VAV1: variants seen among roughly 807,000 people sequenced by gnomAD.
VAV1 encodes the protein vav guanine nucleotide exchange factor 1.
VAV1 carries 33 observed loss-of-function variants against 128.1 expected under a neutral mutation model. That is an observed-to-expected ratio of 0.26 (90% CI 0.20 to 0.34). The LOEUF (loss-of-function observed/expected upper bound fraction) is 0.34, where lower values mean the gene tolerates loss of function less well. Ranked by LOEUF, VAV1 falls within the 10% of genes least tolerant of loss-of-function variation. VAV1 has a pLI of 1.00. For missense variants in VAV1, 715 were observed against 1,093.7 expected (o/e 0.65, Z 4.88); for synonymous variants, 394 against 409.8 (o/e 0.96, Z 0.47).
chr19:6,832,123 A>C lies in VAV1; in HGVS notation c.1431A>C (p.Gln477His), dbSNP rs1280838792. The change falls in exon 15 of 27, where the codon CAA becomes CAC. Residue 477 changes from glutamine to histidine, a missense_variant. Gln to His is a conservative substitution (Grantham distance 24). Coordinates refer to ENST00000602142, the MANE Select transcript of VAV1 (RefSeq NM_005428.4). ...ACATGTTCCTCCTGATCGAGGACCA[A>C]GGTGCCCAGGGCTATGAGCTGTTCT... ...WSHMFLLIED[Q>H]GAQGYELFFK... 6.2e-7 allele frequency: 1 copy of C among 1,614,144 alleles called. No homozygotes were observed. The highest frequency in any genetic ancestry group is 1.7e-5 in the Admixed American group (1 of 60,006).
chr19:6,839,667 A>G (rs149240889), intron 21 of VAV1, among the ~76,000 whole-genome samples: 1 of 152,140 alleles, frequency 6.6e-6, no homozygotes, highest in African/African-American at 2.4e-5. Context: ...GATTATGGCA[A>G]AATATATAGA....
intron 1 of VAV1, among the ~76,000 whole-genome samples, chr19:6,776,377 CATCCATCT>C (rs1970636301): frequency 3.4e-5 from 5 of 148,370 alleles, no homozygotes; most frequent in African/African-American, 7.7e-5. Context: ...TCCATCCATC[CATCCATCT>C]ACCCATCCAC....
intron 1 of VAV1, among the ~76,000 whole-genome samples, chr19:6,793,842 A>G (rs1971070260): frequency 6.6e-6 from 1 of 152,166 alleles, no homozygotes; most frequent in Non-Finnish European, 1.5e-5. Context: ...AGATAAAACT[A>G]GTCCCTACCT....
At chr19:6,856,931 G>C in intron 26 of VAV1, 123 bp from the exon 27 acceptor site, 1 of 781,916 alleles carries the variant, frequency 1.3e-6, no homozygotes, top group Non-Finnish European at 2.2e-6. Context: ...TGTGTTTTCT[G>C]GGATAGACAG....
chr19:6,774,278 C>T (rs1970569252), intron 1 of VAV1, among the ~76,000 whole-genome samples: 1 of 151,844 alleles, frequency 6.6e-6, no homozygotes, highest in Non-Finnish European at 1.5e-5. Context: ...CAGGCGCCCG[C>T]CACCACGCCT....
intron 1 of VAV1, among the ~76,000 whole-genome samples, chr19:6,810,053 G>T (rs1014561565): frequency 4.6e-5 from 7 of 152,114 alleles, no homozygotes; most frequent in African/African-American, 1.7e-4. Flanking sequence ...GGTGGTGCAT[G>T]CCTGTAGTCC....
At chr19:6,830,405 C>G (rs1488719317) in intron 14 of VAV1, among the ~76,000 whole-genome samples, 1 of 151,964 alleles carries the variant, frequency 6.6e-6, no homozygotes, top group Non-Finnish European at 1.5e-5. Context: ...GGCACTAGGA[C>G]TAAAATGGAA....
chr19:6,798,976 G>A (rs915253083), intron 1 of VAV1, among the ~76,000 whole-genome samples: 4 of 144,630 alleles, frequency 2.8e-5, no homozygotes, highest in African/African-American at 1.0e-4. Context: ...AGTCACTGTC[G>A]ATTAGTTTGT....
chr19:6,776,596 TCATC>T (rs746307916), intron 1 of VAV1, among the ~76,000 whole-genome samples: 25 of 126,448 alleles, frequency 2.0e-4, no homozygotes, highest in African/African-American at 4.8e-4. Context: ...GTCCATCCAC[TCATC>T]CATCCATCCA....
intron 1 of VAV1, among the ~76,000 whole-genome samples, chr19:6,780,812 G>C (rs1970753548): frequency 6.6e-6 from 1 of 150,422 alleles, no homozygotes; most frequent in Non-Finnish European, 1.5e-5. Flanking sequence ...GACCTCAGAT[G>C]ATCTGCCCGC....
rs565851959 is a variant in VAV1, at chr19:6,822,027, T to G, written c.449+168T>G. ...GAGACACAGCCCTGCCCTGGGGTCT[T>G]GGGGGACATGGCACTGTCCTGGGGT... On this transcript the variant is annotated intron_variant, in intron 4 of 26. Transcript: ENST00000602142. The surrounding 1 kb of genome is among the most constrained non-coding windows in gnomAD (Gnocchi z 5.9). 2.0e-5 allele frequency among the ~76,000 whole-genome samples: 3 copies of G among 150,342 alleles called. No homozygotes were observed. The highest frequency in any genetic ancestry group is 7.3e-5 in the African/African-American group (3 of 40,982).
intron 1 of VAV1, among the ~76,000 whole-genome samples, chr19:6,792,752 G>A (rs1020137577): frequency 5.3e-5 from 8 of 151,968 alleles, no homozygotes; most frequent in African/African-American, 1.9e-4. Context: ...GCAGCAGTGG[G>A]GGCGAGGGGA....
At chr19:6,854,188 T>C in intron 26 of VAV1, 90 bp downstream of exon 26, 1 of 1,501,686 alleles carries the variant, frequency 6.7e-7, no homozygotes, top group Non-Finnish European at 9.0e-7. Flanking sequence ...GAAGGTGAGG[T>C]GCGGCTCCCA....
At chr19:6,830,309 G>A (rs1034229983) in intron 14 of VAV1, among the ~76,000 whole-genome samples, 7 of 151,488 alleles carry the variant, frequency 4.6e-5, no homozygotes, top group African/African-American at 1.5e-4. Flanking sequence ...CACCTGCCTC[G>A]GCCTCCCAAA....
At chr19:6,825,867 AAAAATACAACT>A (rs1213273969) in intron 8 of VAV1, among the ~76,000 whole-genome samples, 9 of 152,104 alleles carry the variant, frequency 5.9e-5, no homozygotes, top group East Asian at 5.8e-4. Context: ...TCCATCGCCT[AAAAATACAACT>A]AAAATACAAC....
intron 21 of VAV1, among the ~76,000 whole-genome samples, chr19:6,838,236 T>C (rs917333474): frequency 5.3e-5 from 8 of 151,146 alleles, no homozygotes; most frequent in African/African-American, 1.7e-4. Context: ...ATCATCATCA[T>C]CATCATCAAT....
chr19:6,831,498 G>T (rs182391130), intron 14 of VAV1, among the ~76,000 whole-genome samples: 1 of 152,126 alleles, frequency 6.6e-6, no homozygotes, highest in Non-Finnish European at 1.5e-5. Context: ...ATTTTTAGTA[G>T]AGACGGAGTT....
chr19:6,845,695 T>A (rs1972503273), intron 22 of VAV1, among the ~76,000 whole-genome samples: 1 of 149,482 alleles, frequency 6.7e-6, no homozygotes, highest in Non-Finnish European at 1.5e-5. Context: ...TGCACATTTA[T>A]GTTTATATTA....
intron 15 of VAV1, among the ~76,000 whole-genome samples, chr19:6,832,785 CT>C (rs1224789418): frequency 6.6e-6 from 1 of 151,620 alleles, no homozygotes; most frequent in Non-Finnish European, 1.5e-5. Context: ...TCTCTTTCTC[CT>C]TTTTATGTGA....
Sources: gnomAD v4.1 joint callset for allele counts (sites outside exome capture counted in the v4.1 genomes callset) on GRCh38, gnomAD v4.1.1 for gene constraint, Gnocchi (gnomAD v3.1) non-coding constraint, MANE v1.5 for transcripts, NCBI Gene and HGNC (gene_info 2026-07-23, HGNC 2026-07-21) for gene names.